The following ARMC9 variants were observed in gnomAD, a reference collection of about 807,000 sequenced individuals.
ARMC9 encodes the protein armadillo repeat containing 9.
In ARMC9, 94 loss-of-function variants were observed where a neutral mutation model predicts 107.0. The ratio of observed to expected loss-of-function variants is 0.88; its 90% CI spans 0.74 to 1.04. The LOEUF is 1.04. Among genes scored for constraint, ARMC9 ranks in the 50% least tolerant of loss-of-function variants. The probability of loss-of-function intolerance (pLI) is 0.00; values close to 1 mark genes in which losing one functional copy is unlikely to be tolerated. For synonymous variants in ARMC9, 380 were observed against 396.9 expected (o/e 0.96, Z 0.51); for missense variants, 942 against 1,030.1 (o/e 0.91, Z 1.17).
At position 231,214,936 on chromosome 2, in the gene ARMC9, A is replaced by C; in HGVS notation, c.283A>C (p.Lys95Gln). The C allele has an allele frequency of 6.2e-7, 1 of 1,614,154 alleles. No homozygotes were observed. Among genetic ancestry groups the C allele is most frequent in the Non-Finnish European group, 8.5e-7 (1 of 1,180,020 alleles). Residue 95 changes from lysine (K) to glutamine (Q), a missense_variant, in exon 4 of 25, where the codon AAG becomes CAG. Physicochemically the swap from Lys to Gln is moderately conservative, Grantham distance 53 (BLOSUM62 1). Transcript: ENST00000611582. The part of the protein sequence containing the change: ...SIRDGDSFAQ[K>Q]LEFYLHIHFA... ...CCGAGATGGGGACTCCTTTGCCCAGAAGCTGGAATTCTATCTCCACATCCA... is the reference window on the plus strand; with the variant it reads ...CCGAGATGGGGACTCCTTTGCCCAGCAGCTGGAATTCTATCTCCACATCCA...
rs376477328 is a variant in ARMC9 at position 231,239,965 on chromosome 2, G to A, written c.803G>A (p.Ser268Asn). 72 of 1,613,982 alleles carry A rather than the reference G, an allele frequency of 4.5e-5. No homozygotes were observed. In the South Asian group the frequency reaches 5.2e-4, roughly 12 times the overall value. The part of the protein sequence containing the change: ...GKMITPEYLQ[S>N]VCVRLFSNQM... ...CAGATCACCCCTGAGTACCTCCAGA[G>A]CGTCTGTGTCCGCCTGTTCAGTAAC... The change falls in exon 9 of 25, where the codon AGC (serine) becomes AAC (asparagine). Residue 268 changes from serine to asparagine, a missense_variant. Transcript: ENST00000611582.
At chr2:231,256,680 T>G (rs1286746479) in intron 10 of ARMC9, 60 bp downstream of exon 10, 2 of 1,560,824 alleles carry the variant, frequency 1.3e-6, no homozygotes, top group African/African-American at 2.7e-5. Flanking sequence ...AAACGGGAAT[T>G]CAAAGTGTCT....
At chr2:231,266,273 A>G (rs761912264) in intron 12 of ARMC9, among the ~76,000 whole-genome samples, 10 of 152,342 alleles carry the variant, frequency 6.6e-5, no homozygotes, top group Non-Finnish European at 1.5e-4. Flanking sequence ...GTGGGGCCCA[A>G]GGATTTGCAT....
chr2:231,269,531 G>A (rs1331097849), intron 12 of ARMC9, among the ~76,000 whole-genome samples: 2 of 150,732 alleles, frequency 1.3e-5, no homozygotes, highest in South Asian at 2.1e-4. Context: ...GATTACAGGT[G>A]TGTGCCACCA....
chr2:231,270,247 C>G (rs2039210631), intron 12 of ARMC9, among the ~76,000 whole-genome samples: 2 of 152,122 alleles, frequency 1.3e-5, no homozygotes, highest in Admixed American at 1.3e-4. Flanking sequence ...GTTCTAGAAC[C>G]CCGGCAAGCC....
At chr2:231,253,271 G>A (rs1271721895) in intron 9 of ARMC9, among the ~76,000 whole-genome samples, 4 of 152,000 alleles carry the variant, frequency 2.6e-5, no homozygotes, top group South Asian at 2.1e-4. Flanking sequence ...GTGCCACCAC[G>A]CCCAGCTAAT....
At chr2:231,294,203 T>G (rs2041208511) in intron 18 of ARMC9, 2 of 152,262 alleles carry the variant, frequency 1.3e-5, no homozygotes, top group South Asian at 2.1e-4. Context: ...GAAGGACTAT[T>G]CTGGCAAAGC....
chr2:231,200,758 C>T (rs903613546), intron 1 of ARMC9, among the ~76,000 whole-genome samples: 3 of 151,950 alleles, frequency 2.0e-5, no homozygotes, highest in Non-Finnish European at 4.4e-5. Context: ...TCACTTGAAC[C>T]CAGGAGGTGG....
chr2:231,366,792 G>A (rs898517473), intron 23 of ARMC9, among the ~76,000 whole-genome samples: 3 of 151,126 alleles, frequency 2.0e-5, no homozygotes, highest in African/African-American at 2.4e-5. Flanking sequence ...AGTGACCCAA[G>A]ATCATGCCAC....
At chr2:231,228,279 A>C (rs535088354) in intron 7 of ARMC9, among the ~76,000 whole-genome samples, 3 of 152,230 alleles carry the variant, frequency 2.0e-5, no homozygotes, top group African/African-American at 4.8e-5. Context: ...ACATTCACTT[A>C]TAATGGTGAT....
intron 7 of ARMC9, among the ~76,000 whole-genome samples, chr2:231,233,117 C>T (rs1350519629): frequency 6.6e-6 from 1 of 152,148 alleles, no homozygotes; most frequent in African/African-American, 2.4e-5. Context: ...TCCCAAAGTG[C>T]TGGGATTACA....
intron 3 of ARMC9, among the ~76,000 whole-genome samples, chr2:231,213,508 G>A (rs1346839456): frequency 3.4e-5 from 5 of 146,452 alleles, no homozygotes; most frequent in South Asian, 2.1e-4. Flanking sequence ...ATGGAGTCTC[G>A]CTCTGTTGCC....
intron 20 of ARMC9, among the ~76,000 whole-genome samples, chr2:231,342,464 G>A (rs931954554): frequency 1.3e-5 from 2 of 152,162 alleles, no homozygotes; most frequent in East Asian, 1.9e-4. Context: ...GTGGGGAAGT[G>A]GAGGCAGAGG....
chr2:231,300,503 G>A (rs563851981), intron 19 of ARMC9, among the ~76,000 whole-genome samples: 30 of 152,304 alleles, frequency 2.0e-4, no homozygotes, highest in African/African-American at 6.3e-4. Context: ...TGGCAGTGCC[G>A]GGTGCCAGGC....
chr2:231,226,973 G>T (rs1025024207), intron 7 of ARMC9, among the ~76,000 whole-genome samples, 175 bp downstream of exon 7: 2 of 152,164 alleles, frequency 1.3e-5, no homozygotes, highest in Admixed American at 6.6e-5. Flanking sequence ...ATTTTCGGGA[G>T]GGCTGGTATT....
chr2:231,293,611 T>C (rs145775932), intron 18 of ARMC9, among the ~76,000 whole-genome samples: 134 of 152,328 alleles, frequency 8.8e-4, no homozygotes, highest in African/African-American at 3.1e-3. Context: ...TTTACACTTT[T>C]GTAAGGGATG....
chr2:231,240,832 A>G (rs1005241839), intron 9 of ARMC9, among the ~76,000 whole-genome samples: 1 of 152,130 alleles, frequency 6.6e-6, no homozygotes, highest in Non-Finnish European at 1.5e-5. Context: ...AATCTTGAAC[A>G]TTTCCTCAGC....
intron 9 of ARMC9, among the ~76,000 whole-genome samples, chr2:231,253,187 T>G (rs2037460824): frequency 6.6e-6 from 1 of 151,888 alleles, no homozygotes; most frequent in Non-Finnish European, 1.5e-5. Context: ...TGCAGTGGTG[T>G]GATCGCAGCT....
chr2:231,370,334 C>T (rs1348254572), intron 24 of ARMC9, among the ~76,000 whole-genome samples: 1 of 152,198 alleles, frequency 6.6e-6, no homozygotes, highest in Non-Finnish European at 1.5e-5. Flanking sequence ...AATCTTCCTT[C>T]CTATTAAATT....
Sources: allele counts gnomAD v4.1 joint callset (sites outside exome capture counted in the v4.1 genomes callset), GRCh38; gene constraint gnomAD v4.1.1; transcripts MANE v1.5; gene names NCBI Gene and HGNC (gene_info 2026-07-23, HGNC 2026-07-21).